The following ELP1 variants were observed in gnomAD, a reference collection of about 807,000 sequenced individuals.
The protein encoded by ELP1 is elongator acetyltransferase complex subunit 1, also known as elongator complex protein 1.
Under a neutral mutation model 183.2 loss-of-function variants are expected in ELP1, and 131 were observed. The observed-to-expected ratio is 0.72, with a 90% CI of 0.62 to 0.83. The LOEUF is 0.83. Among genes scored for constraint, ELP1 ranks in the 40% least tolerant of loss-of-function variants. The pLI is 0.00. For synonymous variants in ELP1, 555 were observed against 569.0 expected, an observed-to-expected ratio of 0.98 and a Z score of 0.35; for missense variants, 1,550 against 1,594.9, an observed-to-expected ratio of 0.97 and a Z score of 0.48.
intron 10 of ELP1, among the ~76,000 whole-genome samples, chr9:108,914,412 A>AG (rs1564098318): frequency 2.6e-5 from 3 of 113,816 alleles, no homozygotes; most frequent in Admixed American, 8.4e-5. Flanking sequence ...AAAAAAAAAA[A>AG]AGGGGGGGGG....
At chr9:108,920,280 A>AT (rs34765805) in intron 6 of ELP1, among the ~76,000 whole-genome samples, 29,739 of 132,320 alleles carry the variant, frequency 0.22, 4,104 homozygotes, top group South Asian at 0.36. Context: ...CTCTCACCCA[A>AT]TTTTTTTTTT....
At chr9:108,910,734 T>A (rs983267923) in intron 12 of ELP1, among the ~76,000 whole-genome samples, 2 of 151,838 alleles carry the variant, frequency 1.3e-5, no homozygotes, top group African/African-American at 4.8e-5. Context: ...ATGTATAACA[T>A]ACTATGTTAT....
At chr9:108,918,646 GAA>G (rs35212638) in intron 8 of ELP1, among the ~76,000 whole-genome samples, 163 bp downstream of exon 8, 1 of 138,492 alleles carries the variant, frequency 7.2e-6, no homozygotes. Context: ...CAGGGAATAA[GAA>G]AAAAAAAAAA....
At chr9:108,892,786 G>A (rs1243704167) in intron 27 of ELP1, among the ~76,000 whole-genome samples, 200 bp downstream of exon 27, 2 of 152,206 alleles carry the variant, frequency 1.3e-5, no homozygotes, top group African/African-American at 4.8e-5. Flanking sequence ...ACCCCACGAG[G>A]AAGGTGCTGT....
At chr9:108,890,519 G>C (rs1828282400) in intron 28 of ELP1, among the ~76,000 whole-genome samples, 1 of 152,128 alleles carries the variant, frequency 6.6e-6, no homozygotes, top group Non-Finnish European at 1.5e-5. Flanking sequence ...GAGATGACCA[G>C]AGCTTCTGCT....
chr9:108,881,521 C>T (rs528382161), intron 31 of ELP1, among the ~76,000 whole-genome samples, 184 bp downstream of exon 31: 1 of 152,142 alleles, frequency 6.6e-6, no homozygotes, highest in East Asian at 1.9e-4. Flanking sequence ...TATTTTGTTA[C>T]CATTTAATAG....
chr9:108,887,817 T>C (rs902912864), intron 29 of ELP1, among the ~76,000 whole-genome samples: 1 of 152,078 alleles, frequency 6.6e-6, no homozygotes, highest in Non-Finnish European at 1.5e-5. Flanking sequence ...TGTTGGTGAG[T>C]ATAGGAGTCA....
At chr9:108,925,404 CCTTGAAATGGACA>C (rs1265649005) in intron 5 of ELP1, among the ~76,000 whole-genome samples, 7 of 152,168 alleles carry the variant, frequency 4.6e-5, no homozygotes, top group African/African-American at 1.2e-4. Context: ...AATAACCCTC[CCTTGAAATGGACA>C]CTTGAAATGG....
chr9:108,871,136 T>C (rs1827439434), intron 36 of ELP1, among the ~76,000 whole-genome samples: 2 of 152,318 alleles, frequency 1.3e-5, no homozygotes, highest in African/African-American at 4.8e-5. Flanking sequence ...TCTATAACAA[T>C]GATGGCATCA....
At chr9:108,884,986 G>T (rs944217821) in intron 29 of ELP1, among the ~76,000 whole-genome samples, 1 of 151,910 alleles carries the variant, frequency 6.6e-6, no homozygotes, top group Non-Finnish European at 1.5e-5. Context: ...GAGGCTGAGG[G>T]GGGAGGACAG....
Position 108,901,526 on chromosome 9 carries a change from G to T in ELP1, c.1913C>A (p.Ala638Glu). Reference protein sequence around the residue: ...CRFFINDIEVASNITSFAVYD... With the variant: ...CRFFINDIEVESNITSFAVYD... ...TACTGCAAATGACGTGATATTTGAC[G>T]CAACCTGCAAGAGAAGGCCAGAGAG... is the stretch of plus-strand genomic sequence containing the variant. Residue 638 changes from alanine to glutamate, a missense_variant, in exon 18 of 37, where the codon GCG becomes GAG. Physicochemically the swap from Ala to Glu is moderately radical, Grantham distance 107. Coordinates refer to ENST00000374647, the MANE Select transcript of ELP1 (RefSeq NM_003640.5). 1 of 1,613,586 alleles carries T rather than the reference G, an allele frequency of 6.2e-7. No homozygotes were observed. Among genetic ancestry groups the T allele is most frequent in the Non-Finnish European group, 8.5e-7 (1 of 1,179,534 alleles).
chr9:108,880,720 G>A (rs1029408653), intron 31 of ELP1, among the ~76,000 whole-genome samples: 4 of 152,038 alleles, frequency 2.6e-5, no homozygotes, highest in East Asian at 1.9e-4. Context: ...ATGAATTATC[G>A]GCATTTATCT....
At chr9:108,926,651 T>C in intron 4 of ELP1, 48 bp from the exon 5 acceptor site, 6 of 1,481,952 alleles carry the variant, frequency 4.0e-6, no homozygotes, top group Non-Finnish European at 5.6e-6. Flanking sequence ...GTAACAAATT[T>C]GCCATTCCTA....
chr9:108,873,644 C>T (rs925395537), intron 36 of ELP1, among the ~76,000 whole-genome samples: 1 of 152,098 alleles, frequency 6.6e-6, no homozygotes, highest in African/African-American at 2.4e-5. Context: ...ACACAGGAGG[C>T]AGAAATCACA....
intron 10 of ELP1, among the ~76,000 whole-genome samples, chr9:108,914,416 G>T (rs111423134): frequency 1.8e-5 from 2 of 112,574 alleles, no homozygotes; most frequent in South Asian, 5.8e-4. Flanking sequence ...AAAAAAAAGG[G>T]GGGGGGGGTT....
chr9:108,927,314 G>A, intron 4 of ELP1, 58 bp downstream of exon 4: 1 of 1,392,458 alleles, frequency 7.2e-7, no homozygotes, highest in Non-Finnish European at 1.0e-6. Context: ...GATGAAGCCT[G>A]TAAGACATCT....
chr9:108,928,992 A>G (rs2132048485), intron 3 of ELP1, among the ~76,000 whole-genome samples: 1 of 152,354 alleles, frequency 6.6e-6, no homozygotes, highest in Middle Eastern at 3.4e-3. Flanking sequence ...AGAATAGGAA[A>G]CAACAACCTA....
intron 4 of ELP1, 143 bp downstream of exon 4, chr9:108,927,229 T>C (rs563791578): frequency 2.9e-6 from 2 of 686,900 alleles, no homozygotes; most frequent in East Asian, 2.7e-5. Flanking sequence ...ACATACATAA[T>C]TGGTATTATA....
chr9:108,912,063 C>A (rs1169068954), intron 11 of ELP1, among the ~76,000 whole-genome samples: 1 of 152,104 alleles, frequency 6.6e-6, no homozygotes, highest in African/African-American at 2.4e-5. Context: ...TGCAGTATAA[C>A]AGGAAACTGG....
Sources: gnomAD v4.1 joint callset for allele counts (sites outside exome capture counted in the v4.1 genomes callset) on GRCh38, gnomAD v4.1.1 for gene constraint, MANE v1.5 for transcripts, NCBI Gene and HGNC (gene_info 2026-07-23, HGNC 2026-07-21) for gene names.